Variants in MAML2 observed in about 807,000 individuals in gnomAD.
MAML2 encodes the protein mastermind-like protein 2.
In MAML2, 22 loss-of-function variants were observed where a neutral mutation model predicts 96.1. That is an observed-to-expected ratio of 0.23 (90% CI 0.16 to 0.33). The LOEUF (loss-of-function observed/expected upper bound fraction) is 0.33, where lower values mean the gene tolerates loss of function less well. Among genes scored for constraint, MAML2 ranks in the 10% least tolerant of loss-of-function variants. MAML2 has a pLI of 1.00. For missense variants in MAML2, 1,367 were observed against 1,392.4 expected (o/e 0.98, Z 0.29); for synonymous variants, 561 against 521.3 (o/e 1.08, Z -1.04).
intron 2 of MAML2, among the ~76,000 whole-genome samples, chr11:96,081,675 G>A (rs1859531372): frequency 6.6e-6 from 1 of 152,160 alleles, no homozygotes; most frequent in South Asian, 2.1e-4. Context: ...GCAATGAGAA[G>A]CAAACTAACG....
At chr11:96,059,410 T>C (rs1426326544) in intron 2 of MAML2, among the ~76,000 whole-genome samples, 1 of 152,182 alleles carries the variant, frequency 6.6e-6, no homozygotes, top group African/African-American at 2.4e-5. Context: ...AGACTTTGAG[T>C]CAGATTTTTA....
chr11:96,030,272 T>A (rs976033263), intron 2 of MAML2, among the ~76,000 whole-genome samples: 3 of 150,968 alleles, frequency 2.0e-5, no homozygotes, highest in African/African-American at 7.3e-5. Flanking sequence ...AGTTCAGAAA[T>A]AGCTAATATC....
chr11:96,251,030 C>G (rs556340692), intron 1 of MAML2, among the ~76,000 whole-genome samples: 1 of 152,280 alleles, frequency 6.6e-6, no homozygotes, highest in South Asian at 2.1e-4. Context: ...AGCAATAAAA[C>G]AAATGCCAAA....
At chr11:96,267,611 T>C (rs1238656085) in intron 1 of MAML2, among the ~76,000 whole-genome samples, 1 of 152,216 alleles carries the variant, frequency 6.6e-6, no homozygotes, top group Admixed American at 6.6e-5. Context: ...GGGCTGGTGC[T>C]GCCCAGAGGT....
intron 1 of MAML2, among the ~76,000 whole-genome samples, chr11:96,317,713 T>C (rs751096847): frequency 6.6e-6 from 1 of 152,186 alleles, no homozygotes; most frequent in African/African-American, 2.4e-5. Flanking sequence ...AGCAGCTCCT[T>C]GGTCAGTGCT....
At chr11:96,053,525 CTTA>C (rs1859018519) in intron 2 of MAML2, among the ~76,000 whole-genome samples, 1 of 152,138 alleles carries the variant, frequency 6.6e-6, no homozygotes, top group African/African-American at 2.4e-5. Context: ...AGGGGAGAGA[CTTA>C]TTATAAACAA....
intron 1 of MAML2, among the ~76,000 whole-genome samples, chr11:96,100,070 A>G (rs1027154499): frequency 1.3e-5 from 2 of 152,218 alleles, no homozygotes; most frequent in Admixed American, 1.3e-4. Flanking sequence ...TGTGATGGAC[A>G]CAAAGTGTTG....
chr11:96,050,642 T>C (rs1935533609), intron 2 of MAML2, among the ~76,000 whole-genome samples: 1 of 152,202 alleles, frequency 6.6e-6, no homozygotes. Flanking sequence ...CCCTCATTGG[T>C]AGAGTGCATC....
intron 1 of MAML2, among the ~76,000 whole-genome samples, chr11:96,340,222 G>A (rs138898328): frequency 6.6e-6 from 1 of 152,346 alleles, no homozygotes; most frequent in Non-Finnish European, 1.5e-5. Context: ...TCCTTTGGAG[G>A]AGCAGTTAGA....
intron 1 of MAML2, among the ~76,000 whole-genome samples, chr11:96,300,381 A>C (rs898228784): frequency 4.6e-5 from 7 of 152,194 alleles, no homozygotes; most frequent in African/African-American, 1.7e-4. Context: ...ACGACAAAAC[A>C]TGTTAAAGGC....
chr11:96,305,717 T>C (rs1863453497), intron 1 of MAML2, among the ~76,000 whole-genome samples: 1 of 152,202 alleles, frequency 6.6e-6, no homozygotes, highest in South Asian at 2.1e-4. Context: ...TAGAAAAAGT[T>C]TCCACAACTT....
intron 1 of MAML2, among the ~76,000 whole-genome samples, chr11:96,276,680 G>A (rs1337580893): frequency 6.6e-6 from 1 of 152,070 alleles, no homozygotes; most frequent in Admixed American, 6.5e-5. Flanking sequence ...GGCAATGTCT[G>A]TGCCTTTAAA....
At chr11:96,128,670 C>T (rs1281416023) in intron 1 of MAML2, among the ~76,000 whole-genome samples, 2 of 152,120 alleles carry the variant, frequency 1.3e-5, no homozygotes, top group Non-Finnish European at 2.9e-5. Context: ...TCTCAATTTA[C>T]AATTACCACT....
In MAML2 at chr11:96,091,884, G is replaced by T. The variant is rs771742337; in HGVS notation, c.2139+8C>A. 8 of 1,610,428 alleles carry T rather than the reference G, an allele frequency of 5.0e-6. No individual in the cohort carries two copies. The highest frequency in any genetic ancestry group is 5.9e-6 in the Non-Finnish European group (7 of 1,178,212). ...GGAACTCTGTATTTGGAGTAGTAGA[G>T]CCCTTACCTGTCTCTGTTGTTGGGA... On this transcript the variant is annotated splice_region_variant and intron_variant, in intron 2 of 4. Coordinates refer to ENST00000524717, the MANE Select transcript of MAML2 (RefSeq NM_032427.4).
chr11:95,998,756 T>C (rs1465824881), intron 2 of MAML2, among the ~76,000 whole-genome samples: 1 of 152,186 alleles, frequency 6.6e-6, no homozygotes, highest in Non-Finnish European at 1.5e-5. Context: ...ATCTTTTAGC[T>C]TGAGGCAAAT....
intron 1 of MAML2, among the ~76,000 whole-genome samples, chr11:96,169,383 C>T (rs1861244492): frequency 6.6e-6 from 1 of 152,228 alleles, no homozygotes; most frequent in South Asian, 2.1e-4. Flanking sequence ...CAAACCTGTT[C>T]CATCTAGCAC....
chr11:96,008,076 C>A (rs1481071042), intron 2 of MAML2, among the ~76,000 whole-genome samples: 2 of 151,612 alleles, frequency 1.3e-5, no homozygotes, highest in Non-Finnish European at 2.9e-5. Flanking sequence ...TATTACATAT[C>A]ATATAACAAC....
At chr11:96,296,073 T>A (rs1565276176) in intron 1 of MAML2, among the ~76,000 whole-genome samples, 2 of 152,168 alleles carry the variant, frequency 1.3e-5, no homozygotes, top group Non-Finnish European at 2.9e-5. Context: ...TTCTTTTCTT[T>A]TTAAATTTTT....
intron 2 of MAML2, among the ~76,000 whole-genome samples, chr11:96,082,618 AT>A (rs1859545015): frequency 6.6e-6 from 1 of 152,192 alleles, no homozygotes; most frequent in Admixed American, 6.5e-5. Context: ...TAAAGCTGCA[AT>A]TCCAGGAAGG....
Sources: allele counts gnomAD v4.1 joint callset (sites outside exome capture counted in the v4.1 genomes callset), GRCh38; gene constraint gnomAD v4.1.1; transcripts MANE v1.5; gene names NCBI Gene and HGNC (gene_info 2026-07-23, HGNC 2026-07-21).